The following DENND1B variants were observed in gnomAD, a reference collection of about 807,000 sequenced individuals.
DENND1B encodes DENN domain containing 1B.
Under a neutral mutation model 90.1 loss-of-function variants are expected in DENND1B, and 59 were observed. That is an observed-to-expected ratio of 0.65 (90% CI 0.53 to 0.81). The LOEUF is 0.81. Among genes scored for constraint, DENND1B ranks in the 40% least tolerant of loss-of-function variants. The pLI, the probability that DENND1B is intolerant of heterozygous loss-of-function variation, is 0.00. For missense variants in DENND1B, 862 were observed against 912.6 expected, an observed-to-expected ratio of 0.94 and a Z score of 0.71; for synonymous variants, 337 against 324.6, an observed-to-expected ratio of 1.04 and a Z score of -0.41.
intron 15 of DENND1B, among the ~76,000 whole-genome samples, chr1:197,566,038 A>G (rs958895708): frequency 2.0e-5 from 3 of 152,014 alleles, no homozygotes; most frequent in African/African-American, 4.8e-5. Context: ...TGGTATGTCT[A>G]GTTCTAGATC....
intron 18 of DENND1B, among the ~76,000 whole-genome samples, chr1:197,542,783 T>C (rs950351181): frequency 2.0e-5 from 3 of 152,092 alleles, no homozygotes; most frequent in African/African-American, 4.8e-5. Flanking sequence ...ATGACTGACT[T>C]ACCTGCCCCA....
At chr1:197,526,546 G>A (rs547247912) in intron 20 of DENND1B, among the ~76,000 whole-genome samples, 1 of 152,204 alleles carries the variant, frequency 6.6e-6, no homozygotes, top group African/African-American at 2.4e-5. Flanking sequence ...TTTACTAAAT[G>A]GAGAAATTGA....
At chr1:197,702,833 T>C (rs1022838791) in intron 3 of DENND1B, among the ~76,000 whole-genome samples, 16 of 152,200 alleles carry the variant, frequency 1.1e-4, no homozygotes, top group African/African-American at 3.1e-4. Context: ...ATTAGTTACT[T>C]AGATTAAAAG....
At chr1:197,552,491 C>T (rs1367893121) in intron 16 of DENND1B, 7 of 985,234 alleles carry the variant, frequency 7.1e-6, no homozygotes, top group Non-Finnish European at 8.4e-6. Context: ...ATTAATTGTA[C>T]TTATGGAATG....
rs750797682 is a variant in DENND1B at position 197,714,826 on chromosome 1, T to G, written c.126+205A>C. 6.9e-4 allele frequency among the ~76,000 whole-genome samples: 105 copies of G among 152,236 alleles called. 1 individual carries two copies. Among genetic ancestry groups the G allele is most frequent in the Non-Finnish European group, 1.3e-3 (87 of 67,974 alleles). The stretch of plus-strand genomic sequence containing the variant: ...CTCCTATGAGTTTCAATATAAGGAC[T>G]CCTTCATCACCCATCTACTTGGTAA... On this transcript the variant is annotated intron_variant, in intron 3 of 22. Coordinates refer to ENST00000620048, the MANE Select transcript of DENND1B (RefSeq NM_001195215.2).
intron 2 of DENND1B, among the ~76,000 whole-genome samples, chr1:197,770,777 AATATATAAAT>A (rs1656440775): frequency 7.3e-6 from 1 of 136,818 alleles, no homozygotes; most frequent in African/African-American, 2.8e-5. Flanking sequence ...TATATCTATA[AATATATAAAT>A]ATATATCTAT....
At chr1:197,573,333 T>G (rs887730611) in intron 15 of DENND1B, among the ~76,000 whole-genome samples, 1 of 152,196 alleles carries the variant, frequency 6.6e-6, no homozygotes, top group South Asian at 2.1e-4. Context: ...GATTCTGGTA[T>G]GTTGTGTCTT....
chr1:197,612,165 A>G (rs1218906832), intron 11 of DENND1B, among the ~76,000 whole-genome samples, 189 bp from the exon 12 acceptor site: 1 of 150,696 alleles, frequency 6.6e-6, no homozygotes, highest in African/African-American at 2.4e-5. Flanking sequence ...TAATATATTT[A>G]AAATTAAGAT....
intron 15 of DENND1B, among the ~76,000 whole-genome samples, chr1:197,560,752 A>T (rs927862875): frequency 6.6e-6 from 1 of 151,818 alleles, no homozygotes; most frequent in Admixed American, 6.6e-5. Context: ...AATACCAAGC[A>T]ATTCTATTTT....
At chr1:197,540,262 G>A (rs971273257) in intron 19 of DENND1B, among the ~76,000 whole-genome samples, 191 bp from the exon 20 acceptor site, 2 of 151,316 alleles carry the variant, frequency 1.3e-5, no homozygotes, top group Non-Finnish European at 3.0e-5. Context: ...AATTAAATAA[G>A]GTTAATGATC....
intron 20 of DENND1B, among the ~76,000 whole-genome samples, chr1:197,527,376 G>A (rs1571744340): frequency 1.4e-5 from 2 of 146,376 alleles, no homozygotes; most frequent in South Asian, 2.2e-4. Flanking sequence ...TCTGCCTCCC[G>A]GGTTCAAGTG....
chr1:197,630,082 C>A (rs939438442), intron 10 of DENND1B, among the ~76,000 whole-genome samples: 2 of 152,090 alleles, frequency 1.3e-5, no homozygotes, highest in African/African-American at 4.8e-5. Context: ...AAGAAACTCT[C>A]ATTCATTTAT....
chr1:197,556,901 T>A (rs1671765842), intron 15 of DENND1B, among the ~76,000 whole-genome samples: 1 of 151,980 alleles, frequency 6.6e-6, no homozygotes, highest in Admixed American at 6.6e-5. Flanking sequence ...GTCTTTCACA[T>A]GTATGCATCT....
At chr1:197,713,950 C>CATATAATATAT (rs1660357106) in intron 3 of DENND1B, among the ~76,000 whole-genome samples, 2 of 3,540 alleles carry the variant, frequency 5.6e-4, no homozygotes, top group Non-Finnish European at 5.9e-4. Context: ...TATACATATA[C>CATATAATATAT]ACCAATAATA....
At position 197,511,887 on chromosome 1, in the gene DENND1B, A is replaced by G. The variant is rs750960237; in HGVS notation, c.1656T>C (p.Ser552=). ...AAGGAGTCTTCACTCTTGTTTCAAC[A>G]GAGTCATCACTCTCATAGAGATAAG... ...ASAYLYESDD[S]VETRVKTPYS... is the part of the protein sequence containing the mutation. The change falls in exon 22 of 23, where the codon TCT becomes TCC. Residue 552 remains serine (S), a synonymous_variant. Coordinates refer to ENST00000620048, the MANE Select transcript of DENND1B (RefSeq NM_001195215.2). The G allele has an allele frequency of 1.2e-6, 2 of 1,611,194 alleles. No homozygotes were observed. Among genetic ancestry groups the G allele is most frequent in the South Asian group, 2.2e-5 (2 of 90,918 alleles).
chr1:197,629,697 A>C (rs1225519442), intron 10 of DENND1B, among the ~76,000 whole-genome samples: 2 of 151,822 alleles, frequency 1.3e-5, no homozygotes, highest in African/African-American at 4.8e-5. Flanking sequence ...ATAAAATAAA[A>C]TAAAAAATGA....
intron 2 of DENND1B, among the ~76,000 whole-genome samples, chr1:197,718,257 C>T (rs183835751): frequency 6.4e-4 from 97 of 151,958 alleles, no homozygotes; most frequent in African/African-American, 2.1e-3. Flanking sequence ...AAAGTCCCTG[C>T]GTTACAATGC....
At chr1:197,770,735 T>A (rs1188260434) in intron 2 of DENND1B, among the ~76,000 whole-genome samples, 1 of 141,576 alleles carries the variant, frequency 7.1e-6, no homozygotes, top group Non-Finnish European at 1.5e-5. Context: ...TAAATATATA[T>A]AAATATATAT....
chr1:197,636,361 C>T (rs1679792606), intron 10 of DENND1B, among the ~76,000 whole-genome samples: 1 of 152,016 alleles, frequency 6.6e-6, no homozygotes. Context: ...AACAGAGGTT[C>T]CTTAAGGGAA....
Sources: gnomAD v4.1 joint callset for allele counts (sites outside exome capture counted in the v4.1 genomes callset) on GRCh38, gnomAD v4.1.1 for gene constraint, MANE v1.5 for transcripts, NCBI Gene and HGNC (gene_info 2026-07-23, HGNC 2026-07-21) for gene names.